GLIS3: variants seen among roughly 807,000 people sequenced by gnomAD.
GLIS3 encodes zinc finger protein GLIS3.
In GLIS3, 53 loss-of-function variants were observed where a neutral mutation model predicts 78.6. That is an observed-to-expected ratio of 0.67 (90% CI 0.54 to 0.85). The LOEUF is 0.85. Among genes scored for constraint, GLIS3 ranks in the 40% least tolerant of loss-of-function variants. The probability of loss-of-function intolerance (pLI) is 0.00; values close to 1 mark genes in which losing one functional copy is unlikely to be tolerated. For synonymous variants in GLIS3, 684 were observed against 509.9 expected (o/e 1.34, Z -4.60); for missense variants, 1,703 against 1,231.1 (o/e 1.38, Z -5.74).
intron 6 of GLIS3, among the ~76,000 whole-genome samples, chr9:3,928,007 G>A (rs1370703869): frequency 6.6e-6 from 1 of 152,200 alleles, no homozygotes; most frequent in Non-Finnish European, 1.5e-5. Flanking sequence ...GAGAGCATCA[G>A]GATATTCAGG....
chr9:4,377,050 T>G, the GLIS3 span, among the ~76,000 whole-genome samples: 1 of 135,146 alleles, frequency 7.4e-6, no homozygotes, highest in African/African-American at 2.6e-5. Context: ...TGCCTCAAAG[T>G]CCTGATCTGT....
intron 2 of GLIS3, among the ~76,000 whole-genome samples, chr9:4,129,507 C>A (rs1208937387): frequency 6.6e-6 from 1 of 152,066 alleles, no homozygotes; most frequent in Non-Finnish European, 1.5e-5. Context: ...GATAAGTGTT[C>A]TCATGTGATC....
intron 3 of GLIS3, among the ~76,000 whole-genome samples, chr9:4,125,467 G>A (rs1832501290): frequency 6.6e-6 from 1 of 152,158 alleles, no homozygotes; most frequent in Non-Finnish European, 1.5e-5. Flanking sequence ...TTCAGTCACT[G>A]AGGCCCCACA....
chr9:4,300,208 TCACACACACACACA>T (rs35733770), upstream of GLIS3, among the ~76,000 whole-genome samples: 30 of 143,048 alleles, frequency 2.1e-4, no homozygotes, highest in African/African-American at 6.1e-4. Flanking sequence ...CTTGACGCAT[TCACACACACACACA>T]CACACACACA....
intron 2 of GLIS3, among the ~76,000 whole-genome samples, chr9:4,335,330 T>C (rs1817741930): frequency 6.6e-6 from 1 of 152,172 alleles, no homozygotes; most frequent in Admixed American, 6.5e-5. Context: ...CCTAAGCCAA[T>C]TAACCTGTGA....
At position 3,905,899 on chromosome 9, in the gene GLIS3, G is replaced by A. The variant is rs151078398; in HGVS notation, c.1984-7064C>T. On this transcript the variant is annotated intron_variant, in intron 6 of 10. Transcript: ENST00000381971. ...CTCAGTCATACTCTGTAGGGATGAT[G>A]CACACCTCTATCTACATGCTCCCCA... Among the ~76,000 whole-genome samples the A allele has an allele frequency of 2.0e-5, 3 of 152,268 alleles. No homozygotes were observed. In the East Asian group the frequency reaches 5.8e-4, roughly 29 times the overall value.
intron 4 of GLIS3, among the ~76,000 whole-genome samples, chr9:4,116,944 AG>A (rs962635928): frequency 2.6e-5 from 4 of 152,196 alleles, no homozygotes; most frequent in Non-Finnish European, 4.4e-5. Flanking sequence ...ATAAACCCTG[AG>A]GGTTTCTGTG....
chr9:4,163,214 A>G (rs1835633841), intron 2 of GLIS3, among the ~76,000 whole-genome samples: 1 of 151,944 alleles, frequency 6.6e-6, no homozygotes, highest in African/African-American at 2.4e-5. Flanking sequence ...CTCATTTTTT[A>G]TGTCTCAGCA....
intron 4 of GLIS3, among the ~76,000 whole-genome samples, chr9:4,086,284 A>G (rs553874066): frequency 2.6e-4 from 39 of 152,284 alleles, no homozygotes; most frequent in Middle Eastern, 3.4e-3. Flanking sequence ...CATGACCTCT[A>G]TGAAACTTCC....
At chr9:4,424,703 A>G in the GLIS3 span, among the ~76,000 whole-genome samples, 2 of 152,096 alleles carry the variant, frequency 1.3e-5, no homozygotes, top group East Asian at 3.9e-4. Context: ...AGCTGTGACT[A>G]CAGGCACTTG....
At chr9:4,444,587 G>A in the GLIS3 span, among the ~76,000 whole-genome samples, 211 of 152,278 alleles carry the variant, frequency 1.4e-3, 1 homozygote, top group African/African-American at 4.7e-3. Context: ...ACATGACTTC[G>A]CAGGTCTGGT....
intron 2 of GLIS3, among the ~76,000 whole-genome samples, chr9:4,337,768 T>C (rs976333316): frequency 2.6e-5 from 4 of 152,122 alleles, no homozygotes; most frequent in Admixed American, 2.0e-4. Flanking sequence ...GTAGAGGTGG[T>C]AGCAACCAGT....
intron 1 of GLIS3, among the ~76,000 whole-genome samples, chr9:4,295,414 C>G (rs1816392244): frequency 6.6e-6 from 1 of 152,160 alleles, no homozygotes. Flanking sequence ...AGTAATGCCT[C>G]ACTAATTTCT....
At chr9:4,153,358 G>A (rs1490845985) in intron 2 of GLIS3, among the ~76,000 whole-genome samples, 8 of 152,190 alleles carry the variant, frequency 5.3e-5, no homozygotes, top group Non-Finnish European at 8.8e-5. Flanking sequence ...GAGGTCAGGA[G>A]TTCAAGACCA....
At chr9:4,038,298 G>C (rs202210508) in intron 4 of GLIS3, among the ~76,000 whole-genome samples, 3 of 43,628 alleles carry the variant, frequency 6.9e-5, no homozygotes, top group African/African-American at 5.1e-4. Flanking sequence ...TGTCCAACTT[G>C]TTGGTTCCAA....
chr9:4,047,077 T>A (rs1469610874), intron 4 of GLIS3, among the ~76,000 whole-genome samples: 3 of 152,220 alleles, frequency 2.0e-5, no homozygotes, highest in African/African-American at 7.2e-5. Context: ...GTAATCCCCA[T>A]GAGTTGAGGG....
chr9:4,455,143 G>A, the GLIS3 span, among the ~76,000 whole-genome samples: 1 of 152,146 alleles, frequency 6.6e-6, no homozygotes, highest in Non-Finnish European at 1.5e-5. Flanking sequence ...CTCATGAAGA[G>A]CCTTAAGCCT....
At chr9:4,089,088 AT>A (rs1369880923) in intron 4 of GLIS3, among the ~76,000 whole-genome samples, 1 of 152,210 alleles carries the variant, frequency 6.6e-6, no homozygotes, top group Non-Finnish European at 1.5e-5. Flanking sequence ...CTTTACTTTT[AT>A]TTTTTATGAA....
chr9:4,141,536 A>C (rs1440797849), intron 2 of GLIS3, among the ~76,000 whole-genome samples: 3 of 152,184 alleles, frequency 2.0e-5, no homozygotes. Flanking sequence ...ATTCTGTGTC[A>C]CCTTGGTAGT....
Sources: allele counts gnomAD v4.1 joint callset (sites outside exome capture counted in the v4.1 genomes callset), GRCh38; gene constraint gnomAD v4.1.1; transcripts MANE v1.5; gene names NCBI Gene and HGNC (gene_info 2026-07-23, HGNC 2026-07-21).